APC: variants seen among roughly 807,000 people sequenced by gnomAD.
APC encodes APC regulator of Wnt signaling pathway, also known as adenomatous polyposis coli protein.
A neutral mutation model predicts 247.0 loss-of-function variants in APC; 72 were observed. The ratio of observed to expected loss-of-function variants is 0.29; its 90% confidence interval spans 0.24 to 0.35. The LOEUF (loss-of-function observed/expected upper bound fraction) is 0.35, where lower values mean the gene tolerates loss of function less well. APC is among the 10% of genes least tolerant of loss of function. The probability of loss-of-function intolerance (pLI) is 1.00; values close to 1 mark genes in which losing one functional copy is unlikely to be tolerated. For missense variants in APC, 3,400 were observed against 3,360.7 expected (o/e 1.01, Z -0.29); for synonymous variants, 1,254 against 1,162.5 (o/e 1.08, Z -1.60).
chr5:112,730,894 T>C (rs1478399438), intron 1 of APC, among the ~76,000 whole-genome samples: 1 of 152,180 alleles, frequency 6.6e-6, no homozygotes, highest in Non-Finnish European at 1.5e-5. Context: ...AGGAATTTTA[T>C]AAAATTCAGA....
intron 1 of APC, among the ~76,000 whole-genome samples, chr5:112,716,286 A>G (rs965160141): frequency 3.3e-5 from 5 of 152,242 alleles, no homozygotes; most frequent in African/African-American, 9.6e-5. Flanking sequence ...TAGTATTTTT[A>G]TAATTCACTT....
chr5:112,728,334 G>A (rs2149668126), intron 1 of APC, among the ~76,000 whole-genome samples: 1 of 152,186 alleles, frequency 6.6e-6, no homozygotes, highest in Middle Eastern at 3.4e-3. Context: ...GTTTCACCAT[G>A]TTGGCCAGGC....
intron 1 of APC, among the ~76,000 whole-genome samples, chr5:112,752,101 G>A (rs986649917): frequency 3.0e-4 from 45 of 151,902 alleles, no homozygotes; most frequent in Non-Finnish European, 4.0e-4. Flanking sequence ...ATATCTTCTA[G>A]TAAATTATTT....
At chr5:112,744,792 G>T (rs1404044172) in intron 1 of APC, among the ~76,000 whole-genome samples, 1 of 152,206 alleles carries the variant, frequency 6.6e-6, no homozygotes, top group African/African-American at 2.4e-5. Flanking sequence ...TTTGAAGGTA[G>T]ACTATTATCA....
chr5:112,731,707 A>AT (rs1411153825), intron 1 of APC, among the ~76,000 whole-genome samples: 2 of 152,028 alleles, frequency 1.3e-5, no homozygotes, highest in Non-Finnish European at 2.9e-5. Context: ...TCTTGTGTTT[A>AT]TTTCTATTTC....
In APC at chr5:112,840,493, A is replaced by C. The variant is rs926773764; in HGVS notation, c.4899A>C (p.Thr1633=). ...AACCCCAAAAGCATGTTAGTTTTACACCGGGGGATGATATGCCACGGGTGT... is the reference window on the plus strand; with the variant it reads ...AACCCCAAAAGCATGTTAGTTTTACCCCGGGGGATGATATGCCACGGGTGT... ...RLQPQKHVSF[T]PGDDMPRVYC... is the part of the protein sequence containing the mutation. Residue 1633 remains threonine (T), a synonymous_variant, in exon 16 of 16, where the codon ACA becomes ACC. Coordinates refer to ENST00000257430, the MANE Select transcript of APC (RefSeq NM_000038.6). The surrounding 1 kb of genome is among the most constrained non-coding windows in gnomAD (Gnocchi z 4.1). The C allele has an allele frequency of 1.9e-6, 3 of 1,614,038 alleles. No individual in the cohort carries two copies. The African/African-American group carries it at 4.0e-5, about 22-fold the overall frequency.
rs879254166 is a variant in APC at position 112,841,923 on chromosome 5, C to A, written c.6329C>A (p.Ser2110Tyr). 6.2e-7 allele frequency: 1 copy of A among 1,613,942 alleles called. No homozygotes were observed. The highest frequency in any genetic ancestry group is 8.5e-7 in the Non-Finnish European group (1 of 1,179,972). The change falls in exon 16 of 16, where the codon TCC becomes TAC. Residue 2110 changes from serine to tyrosine, a missense_variant. Ser to Tyr is a moderately radical substitution (Grantham distance 144). This residue lies in a region of APC where 1,788 missense variants were observed against 1,649.5 expected (regional missense o/e 1.08). Transcript: ENST00000257430. This position sits in a 1 kb window ranked among gnomAD's most constrained non-coding sequence, Gnocchi z 4.6. ...AAAGCTATTCAGGAAGGTGCAAATTCCATAGTAAGTAGTTTACATCAAGCT... is the reference window on the plus strand; with the variant it reads ...AAAGCTATTCAGGAAGGTGCAAATTACATAGTAAGTAGTTTACATCAAGCT... ...DWKAIQEGAN[S>Y]IVSSLHQAAA... is the part of the protein sequence containing the mutation.
chr5:112,781,764 T>C (rs1433488608), intron 6 of APC, among the ~76,000 whole-genome samples: 1 of 121,550 alleles, frequency 8.2e-6, no homozygotes, highest in Non-Finnish European at 1.6e-5. Flanking sequence ...AACATAATGA[T>C]TTTTTTTTTT....
At chr5:112,733,434 T>G (rs981046872), upstream of APC, among the ~76,000 whole-genome samples, 1 of 151,618 alleles carries the variant, frequency 6.6e-6, no homozygotes, top group African/African-American at 2.4e-5. Flanking sequence ...AAAATGAGAG[T>G]CAGAGAAGGA....
At chr5:112,765,547 A>G (rs1323632292) in intron 2 of APC, among the ~76,000 whole-genome samples, 1 of 152,228 alleles carries the variant, frequency 6.6e-6, no homozygotes. Flanking sequence ...ACAAAGTTGC[A>G]AATGTTCAAA....
At chr5:112,787,401 A>AT (rs898589276) in intron 6 of APC, among the ~76,000 whole-genome samples, 1 of 152,162 alleles carries the variant, frequency 6.6e-6, no homozygotes, top group Non-Finnish European at 1.5e-5. Flanking sequence ...CTCTTAAAGT[A>AT]ATCTTTTTAG....
At chr5:112,807,433 A>C (rs886091700) in intron 8 of APC, among the ~76,000 whole-genome samples, 1 of 152,142 alleles carries the variant, frequency 6.6e-6, no homozygotes, top group African/African-American at 2.4e-5. Context: ...TTTTTATACT[A>C]TACAACTTAC....
At chr5:112,728,739 A>G (rs1751938239) in intron 1 of APC, among the ~76,000 whole-genome samples, 1 of 152,104 alleles carries the variant, frequency 6.6e-6, no homozygotes, top group African/African-American at 2.4e-5. Flanking sequence ...TCCAGTTGAA[A>G]AAGCTTTTGG....
intron 1 of APC, among the ~76,000 whole-genome samples, chr5:112,745,632 C>T (rs929022518): frequency 2.0e-5 from 3 of 151,896 alleles, no homozygotes; most frequent in South Asian, 2.1e-4. Context: ...GTTGCAATCT[C>T]GGCTCACAGC....
In APC at chr5:112,840,805, T is replaced by G. The variant is rs1765880283; in HGVS notation, c.5211T>G (p.Ser1737Arg). The G allele has an allele frequency of 6.2e-7, 1 of 1,614,054 alleles. No homozygotes were observed. Among genetic ancestry groups the G allele is most frequent in the Non-Finnish European group, 8.5e-7 (1 of 1,179,968 alleles). ...CINSAMPKGK[S>R]HKPFRVKKIM... The stretch of plus-strand genomic sequence containing the variant: ...ATTCTGCTATGCCCAAAGGGAAAAG[T>G]CACAAGCCTTTCCGTGTGAAAAAGA... The change falls in exon 16 of 16, where the codon AGT (serine) becomes AGG (arginine). Residue 1737 changes from serine (S) to arginine (R), a missense_variant. By Grantham distance (110) the Ser-to-Arg change is moderately radical (BLOSUM62 -1). Around this residue, in one of 9 missense-constraint regions of APC, gnomAD observed 1,788 missense variants for 1,649.5 expected, o/e 1.08. Coordinates refer to ENST00000257430, the MANE Select transcript of APC (RefSeq NM_000038.6). This position sits in a 1 kb window ranked among gnomAD's most constrained non-coding sequence, Gnocchi z 4.1.
intron 1 of APC, among the ~76,000 whole-genome samples, chr5:112,722,049 A>G (rs1327577814): frequency 6.6e-6 from 1 of 152,086 alleles, no homozygotes. Flanking sequence ...ATGTGAGAGG[A>G]AAAAAAGACC....
rs75848865 is a variant in APC, at chr5:112,749,803, A to G, written c.-18-5070A>G. Among the ~76,000 whole-genome samples the G allele has an allele frequency of 0.055, 8,310 of 151,406 alleles. 419 individuals carry two copies. Among genetic ancestry groups the G allele is most frequent in the East Asian group, 0.13 (672 of 5,118 alleles). On this transcript the variant is annotated intron_variant, in intron 1 of 15. Coordinates refer to ENST00000257430, the MANE Select transcript of APC (RefSeq NM_000038.6). ...CCTGGTCCAATTTTTTAATAGTTGTAGAACTATTAAGGTTTTTCTGTTGCT... is the reference window on the plus strand; with the variant it reads ...CCTGGTCCAATTTTTTAATAGTTGTGGAACTATTAAGGTTTTTCTGTTGCT...
chr5:112,717,048 T>C (rs1017783808), intron 1 of APC, among the ~76,000 whole-genome samples: 1 of 152,192 alleles, frequency 6.6e-6, no homozygotes, highest in Non-Finnish European at 1.5e-5. Flanking sequence ...TCTCGCTGTG[T>C]TGCCCAGGCT....
intron 8 of APC, among the ~76,000 whole-genome samples, chr5:112,811,537 A>G (rs1286024516): frequency 1.3e-5 from 2 of 152,238 alleles, no homozygotes; most frequent in Non-Finnish European, 2.9e-5. Context: ...ATCTCCTAAT[A>G]ATAAATACAT....
Sources: gnomAD v4.1 joint callset for allele counts (sites outside exome capture counted in the v4.1 genomes callset) on GRCh38, gnomAD v4.1.1 for gene constraint, gnomAD v4.1.1 regional missense constraint, Gnocchi (gnomAD v3.1) non-coding constraint, MANE v1.5 for transcripts, NCBI Gene and HGNC (gene_info 2026-07-23, HGNC 2026-07-21) for gene names.